The following MLLT3 variants were observed in gnomAD, a reference collection of about 807,000 sequenced individuals.
MLLT3 encodes MLLT3 super elongation complex subunit.
MLLT3 carries 4 observed loss-of-function variants against 53.2 expected under a neutral mutation model. The ratio of observed to expected loss-of-function variants is 0.08; its 90% CI spans 0.04 to 0.17. The LOEUF (loss-of-function observed/expected upper bound fraction) is 0.17, where lower values mean the gene tolerates loss of function less well. Ranked by LOEUF, MLLT3 falls within the 10% of genes least tolerant of loss-of-function variation. The pLI, the probability that MLLT3 is intolerant of heterozygous loss-of-function variation, is 1.00. For synonymous variants in MLLT3, 283 were observed against 230.6 expected, an observed-to-expected ratio of 1.23 and a Z score of -2.06; for missense variants, 569 against 684.0, an observed-to-expected ratio of 0.83 and a Z score of 1.87.
rs562157952 is a variant in MLLT3 at position 20,513,065 on chromosome 9, G to A, written c.194-56279C>T. On this transcript the variant is annotated intron_variant, in intron 2 of 10. Transcript: ENST00000380338. ...TTTGGGGGTATCTCTCTGGAGAGTA[G>A]CCATAAATTCTAGTCTTGCCCTGAT... 1.4e-4 allele frequency among the ~76,000 whole-genome samples: 22 copies of A among 152,342 alleles called. No homozygotes were observed. The South Asian group carries it at 4.6e-3, about 32-fold the overall frequency.
chr9:20,504,431 C>T (rs1825332922), intron 2 of MLLT3, among the ~76,000 whole-genome samples: 1 of 151,794 alleles, frequency 6.6e-6, no homozygotes, highest in East Asian at 1.9e-4. Context: ...GAAGGAAATC[C>T]TGTCATTTTC....
At chr9:20,512,371 T>C (rs1398571260) in intron 2 of MLLT3, among the ~76,000 whole-genome samples, 4 of 152,188 alleles carry the variant, frequency 2.6e-5, no homozygotes, top group African/African-American at 9.7e-5. Flanking sequence ...TCTCCTAACC[T>C]TAAAACAGTG....
chr9:20,351,970 T>C (rs748412643), intron 10 of MLLT3, among the ~76,000 whole-genome samples: 8 of 152,236 alleles, frequency 5.3e-5, no homozygotes, highest in Admixed American at 2.0e-4. Context: ...TGAAATGCTG[T>C]GTGCCCTGGA....
intron 2 of MLLT3, among the ~76,000 whole-genome samples, chr9:20,556,238 T>C (rs563774282): frequency 2.6e-5 from 4 of 152,192 alleles, no homozygotes; most frequent in Admixed American, 6.5e-5. Context: ...ATTCCACAAA[T>C]GGAAATATTT....
intron 2 of MLLT3, among the ~76,000 whole-genome samples, chr9:20,529,890 A>G (rs1242079304): frequency 6.6e-6 from 1 of 152,044 alleles, no homozygotes; most frequent in Non-Finnish European, 1.5e-5. Flanking sequence ...CAACCAGGCC[A>G]GTTACACAAA....
intron 2 of MLLT3, among the ~76,000 whole-genome samples, chr9:20,530,809 T>G (rs573044003): frequency 5.9e-5 from 9 of 152,316 alleles, no homozygotes; most frequent in Admixed American, 3.9e-4. Flanking sequence ...TTTTGTGCTT[T>G]TAGTAGAAAT....
chr9:20,497,541 C>T (rs889659236), intron 2 of MLLT3, among the ~76,000 whole-genome samples: 1 of 152,114 alleles, frequency 6.6e-6, no homozygotes, highest in Non-Finnish European at 1.5e-5. Flanking sequence ...TGGAATCATA[C>T]AATGTGTATG....
chr9:20,509,047 C>A (rs912199106), intron 2 of MLLT3, among the ~76,000 whole-genome samples: 4 of 152,234 alleles, frequency 2.6e-5, no homozygotes, highest in Non-Finnish European at 5.9e-5. Flanking sequence ...GGTCTCTGTT[C>A]TTTTCATGCA....
At chr9:20,574,517 T>C (rs557869137) in intron 2 of MLLT3, among the ~76,000 whole-genome samples, 20 of 152,340 alleles carry the variant, frequency 1.3e-4, no homozygotes, top group African/African-American at 4.1e-4. Flanking sequence ...CACTATACCA[T>C]AGTCTATTGA....
At chr9:20,538,667 AAAC>A (rs1367294123) in intron 2 of MLLT3, among the ~76,000 whole-genome samples, 1 of 152,272 alleles carries the variant, frequency 6.6e-6, no homozygotes, top group Non-Finnish European at 1.5e-5. Flanking sequence ...AAAAATTTAT[AAAC>A]TATATAAAAT....
chr9:20,403,209 G>A (rs923362246), intron 5 of MLLT3, among the ~76,000 whole-genome samples: 7 of 151,962 alleles, frequency 4.6e-5, no homozygotes, highest in Non-Finnish European at 7.4e-5. Context: ...GTTGTTGAAT[G>A]AGATTTCTGA....
At chr9:20,462,243 A>G (rs1399581143) in intron 2 of MLLT3, among the ~76,000 whole-genome samples, 1 of 152,232 alleles carries the variant, frequency 6.6e-6, no homozygotes, top group Non-Finnish European at 1.5e-5. Flanking sequence ...GATTTTATTC[A>G]TCCCACTTCA....
chr9:20,596,853 G>A (rs899675046), intron 2 of MLLT3, among the ~76,000 whole-genome samples: 2 of 152,134 alleles, frequency 1.3e-5, no homozygotes, highest in Non-Finnish European at 2.9e-5. Context: ...GACTGATAGG[G>A]ACTGTATGTA....
intron 2 of MLLT3, among the ~76,000 whole-genome samples, chr9:20,513,170 T>C (rs957460495): frequency 2.6e-5 from 4 of 152,326 alleles, no homozygotes; most frequent in African/African-American, 9.6e-5. Context: ...GACAGCCTAA[T>C]GCCTAAGTGT....
At chr9:20,440,619 TCAGA>T (rs1823523537) in intron 4 of MLLT3, among the ~76,000 whole-genome samples, 1 of 152,120 alleles carries the variant, frequency 6.6e-6, no homozygotes, top group Non-Finnish European at 1.5e-5. Flanking sequence ...GAGAATGAAC[TCAGA>T]CAAAGTATTA....
chr9:20,456,539 C>A (rs1431608785), intron 3 of MLLT3, among the ~76,000 whole-genome samples, 165 bp downstream of exon 3: 1 of 152,090 alleles, frequency 6.6e-6, no homozygotes, highest in Non-Finnish European at 1.5e-5. Flanking sequence ...TAGCCACTTC[C>A]TTGATAATTA....
chr9:20,535,821 GTGTTAGGAGAAATAGGAA>G (rs1362567303), intron 2 of MLLT3, among the ~76,000 whole-genome samples: 2 of 152,140 alleles, frequency 1.3e-5, no homozygotes, highest in Non-Finnish European at 2.9e-5. Context: ...ATACCGGCAA[GTGTTAGGAGAAATAGGAA>G]GATGCCCATC....
intron 4 of MLLT3, among the ~76,000 whole-genome samples, chr9:20,430,651 A>G (rs184870744): frequency 6.6e-6 from 1 of 152,262 alleles, no homozygotes; most frequent in East Asian, 1.9e-4. Flanking sequence ...CAAAACTTCT[A>G]AAACTTTTCA....
chr9:20,356,531 C>A (rs1309887584), intron 8 of MLLT3, among the ~76,000 whole-genome samples: 3 of 151,860 alleles, frequency 2.0e-5, no homozygotes, highest in Non-Finnish European at 4.4e-5. Flanking sequence ...GCTGGGCATG[C>A]AGAGACAATC....
Sources: gnomAD v4.1 joint callset for allele counts (sites outside exome capture counted in the v4.1 genomes callset) on GRCh38, gnomAD v4.1.1 for gene constraint, MANE v1.5 for transcripts, NCBI Gene and HGNC (gene_info 2026-07-23, HGNC 2026-07-21) for gene names.